The following RIMS1 variants were observed in gnomAD, a reference collection of about 807,000 sequenced individuals.
RIMS1 encodes the protein regulating synaptic membrane exocytosis 1, also known as regulating synaptic membrane exocytosis protein 1.
In RIMS1, 83 loss-of-function variants were observed where a neutral mutation model predicts 214.1. That is an observed-to-expected ratio of 0.39 (90% CI 0.32 to 0.47). RIMS1 has a LOEUF of 0.47. Ranked by LOEUF, RIMS1 falls within the 20% of genes least tolerant of loss-of-function variation. The pLI is 0.99. For synonymous variants in RIMS1, 793 were observed against 786.8 expected (o/e 1.01, Z -0.13); for missense variants, 2,050 against 2,161.8 (o/e 0.95, Z 1.03).
intron 23 of RIMS1, among the ~76,000 whole-genome samples, chr6:72,280,912 A>T (rs1398174541): frequency 6.6e-6 from 1 of 152,162 alleles, no homozygotes; most frequent in African/African-American, 2.4e-5. Context: ...AAATACTACA[A>T]TACTGAGTAC....
intron 26 of RIMS1, among the ~76,000 whole-genome samples, chr6:72,293,482 G>A (rs1563683634): frequency 6.6e-6 from 1 of 151,716 alleles, no homozygotes; most frequent in Non-Finnish European, 1.5e-5. Context: ...ATCTATTCAT[G>A]AGCTCCTGTT....
intron 2 of RIMS1, among the ~76,000 whole-genome samples, chr6:71,975,840 C>G (rs778207214): frequency 7.3e-5 from 11 of 151,656 alleles, no homozygotes; most frequent in Non-Finnish European, 1.5e-4. Flanking sequence ...CTGTTTATAT[C>G]TGGCTTTTTT....
intron 6 of RIMS1, among the ~76,000 whole-genome samples, chr6:72,187,198 G>C (rs957936869): frequency 6.6e-6 from 1 of 151,614 alleles, no homozygotes; most frequent in African/African-American, 2.4e-5. Context: ...AAGGAAGGAA[G>C]GGAGGGCTCA....
chr6:72,394,953 A>G (rs1262416565), intron 31 of RIMS1, among the ~76,000 whole-genome samples: 1 of 152,070 alleles, frequency 6.6e-6, no homozygotes, highest in Non-Finnish European at 1.5e-5. Flanking sequence ...GAGATTATTA[A>G]ACAAAAAGGA....
chr6:72,030,358 T>C lies in RIMS1; in HGVS notation c.245+61295T>C, dbSNP rs138344529. Among the ~76,000 whole-genome samples, 569 of 152,340 alleles carry C rather than the reference T, an allele frequency of 3.7e-3. 8 individuals carry two copies. The highest frequency in any genetic ancestry group is 0.013 in the African/African-American group (538 of 41,584). On this transcript the variant is annotated intron_variant, in intron 2 of 33. Transcript: ENST00000521978. ...TATTAGTTAATAAAGAGACTTTATC[T>C]ATAATTTTAGCAGAATATACTTTTG... is the stretch of plus-strand genomic sequence containing the variant.
At chr6:72,021,327 A>T (rs1814611767) in intron 2 of RIMS1, among the ~76,000 whole-genome samples, 1 of 152,170 alleles carries the variant, frequency 6.6e-6, no homozygotes, top group Non-Finnish European at 1.5e-5. Context: ...TCAAAATGTG[A>T]TTATAGGGGC....
intron 1 of RIMS1, among the ~76,000 whole-genome samples, chr6:71,954,685 A>G (rs888932839): frequency 2.0e-5 from 3 of 151,234 alleles, no homozygotes; most frequent in Admixed American, 2.0e-4. Flanking sequence ...TTAGTCTATT[A>G]GTAATTTTTC....
At position 72,347,824 on chromosome 6, in the gene RIMS1, C is replaced by T. The variant is rs545271554; in HGVS notation, c.4366+13989C>T. On this transcript the variant is annotated intron_variant, in intron 29 of 33. Coordinates refer to ENST00000521978, the MANE Select transcript of RIMS1 (RefSeq NM_014989.7). ...CCAAATATCAACTTCCTACCAGGAC[C>T]GAAAGTAATTTTTTTAAGTCCTATA... Among the ~76,000 whole-genome samples, 236 of 151,922 alleles carry T rather than the reference C, an allele frequency of 1.6e-3. 1 individual carries two copies. Among genetic ancestry groups the T allele is most frequent in the African/African-American group, 5.1e-3 (213 of 41,530 alleles).
intron 4 of RIMS1, among the ~76,000 whole-genome samples, chr6:72,159,341 G>C (rs2044946848): frequency 7.1e-6 from 1 of 140,194 alleles, no homozygotes; most frequent in Non-Finnish European, 1.6e-5. Context: ...CCATTCTGTA[G>C]GTTGCCTGTT....
At chr6:72,359,387 G>A (rs1342882529) in intron 29 of RIMS1, among the ~76,000 whole-genome samples, 1 of 152,094 alleles carries the variant, frequency 6.6e-6, no homozygotes, top group Non-Finnish European at 1.5e-5. Context: ...CTTTACATGT[G>A]GGAGTCAAAC....
rs748463190 is a variant in RIMS1, at chr6:72,313,665, A to G, written c.4123A>G (p.Arg1375Gly). Residue 1375 changes from arginine to glycine, a missense_variant, in exon 28 of 34, where the codon AGA becomes GGA. Physicochemically the swap from Arg to Gly is moderately radical, Grantham distance 125 (BLOSUM62 -2). Coordinates refer to ENST00000521978, the MANE Select transcript of RIMS1 (RefSeq NM_014989.7). The part of the protein sequence containing the change: ...MSEQSERPRG[R>G]ISSFTPKMQG... ...AGAGCAATCTGAGCGCCCCAGGGGT[A>G]GAATCAGGTGAGTTGGCAATACTGT... The G allele has an allele frequency of 6.2e-7, 1 of 1,612,058 alleles. No homozygotes were observed. Among genetic ancestry groups the G allele is most frequent in the South Asian group, 1.1e-5 (1 of 90,718 alleles).
chr6:72,278,673 GA>G (rs1038825871), intron 23 of RIMS1, among the ~76,000 whole-genome samples: 3 of 151,932 alleles, frequency 2.0e-5, no homozygotes, highest in African/African-American at 7.2e-5. Flanking sequence ...TTCTTTGAAT[GA>G]ACAAAGTGTA....
At chr6:72,008,481 G>T (rs951450541) in intron 2 of RIMS1, among the ~76,000 whole-genome samples, 1 of 151,892 alleles carries the variant, frequency 6.6e-6, no homozygotes, top group Non-Finnish European at 1.5e-5. Context: ...CAATATTAAC[G>T]TTCAATGTAA....
At chr6:72,366,587 A>T in intron 29 of RIMS1, 2 of 637,590 alleles carry the variant, frequency 3.1e-6, no homozygotes, top group Non-Finnish European at 3.9e-6. Flanking sequence ...TAGTGATGTT[A>T]CACTTCATGG....
intron 2 of RIMS1, among the ~76,000 whole-genome samples, chr6:71,972,474 A>G (rs866577935): frequency 3.3e-5 from 5 of 152,178 alleles, no homozygotes; most frequent in African/African-American, 1.2e-4. Flanking sequence ...GGTGTATTCT[A>G]TTATGCAAGT....
At chr6:72,007,138 C>T (rs779752646) in intron 2 of RIMS1, among the ~76,000 whole-genome samples, 12 of 152,134 alleles carry the variant, frequency 7.9e-5, no homozygotes, top group Admixed American at 2.6e-4. Flanking sequence ...TCCAGAGGAA[C>T]GATCACGCAG....
At chr6:72,153,630 C>T (rs79225302) in intron 4 of RIMS1, among the ~76,000 whole-genome samples, 1,698 of 152,112 alleles carry the variant, frequency 0.011, 10 homozygotes, top group Non-Finnish European at 0.017. Flanking sequence ...TCAGATAAAA[C>T]TACCCCCAGT....
chr6:72,153,054 G>T (rs1189949996), intron 4 of RIMS1, among the ~76,000 whole-genome samples: 1 of 138,924 alleles, frequency 7.2e-6, no homozygotes, highest in African/African-American at 2.6e-5. Flanking sequence ...GTATATATAT[G>T]TATATATTCC....
chr6:72,270,816 A>G (rs1591405185), intron 22 of RIMS1, among the ~76,000 whole-genome samples: 2 of 152,200 alleles, frequency 1.3e-5, no homozygotes, highest in African/African-American at 4.8e-5. Context: ...ATGGTCACCT[A>G]TCATATAAGC....
Sources: gnomAD v4.1 joint callset for allele counts (sites outside exome capture counted in the v4.1 genomes callset) on GRCh38, gnomAD v4.1.1 for gene constraint, MANE v1.5 for transcripts, NCBI Gene and HGNC (gene_info 2026-07-23, HGNC 2026-07-21) for gene names.